The following SYTL3 variants were observed in gnomAD, a reference collection of about 807,000 sequenced individuals.
SYTL3 encodes synaptotagmin-like protein 3.
Under a neutral mutation model 82.1 loss-of-function variants are expected in SYTL3, and 88 were observed. The observed-to-expected ratio is 1.07, with a 90% CI of 0.90 to 1.28. The LOEUF (loss-of-function observed/expected upper bound fraction) is 1.28. Among genes scored for constraint, SYTL3 ranks in the 50% most tolerant of loss-of-function variants. SYTL3 has a pLI of 0.00. For missense variants in SYTL3, 831 were observed against 757.6 expected, an observed-to-expected ratio of 1.10 and a Z score of -1.14; for synonymous variants, 311 against 289.4, an observed-to-expected ratio of 1.07 and a Z score of -0.76.
chr6:158,699,543 T>C (rs1159538545), intron 6 of SYTL3, among the ~76,000 whole-genome samples: 1 of 152,168 alleles, frequency 6.6e-6, no homozygotes, highest in Non-Finnish European at 1.5e-5. Context: ...ACGCGGCGGA[T>C]CTTACTCCCC....
chr6:158,652,825 G>A (rs1315898449), intron 2 of SYTL3, among the ~76,000 whole-genome samples: 1 of 152,212 alleles, frequency 6.6e-6, no homozygotes, highest in African/African-American at 2.4e-5. Flanking sequence ...ACAGGCGTGA[G>A]CCACCGCACC....
At chr6:158,746,724 A>G (rs1391174041) in intron 12 of SYTL3, among the ~76,000 whole-genome samples, 2 of 151,752 alleles carry the variant, frequency 1.3e-5, no homozygotes, top group South Asian at 2.1e-4. Context: ...TTGGCCTCCC[A>G]AAGTGCTGGG....
chr6:158,759,887 G>T (rs1344876784), intron 14 of SYTL3, among the ~76,000 whole-genome samples: 1 of 151,886 alleles, frequency 6.6e-6, no homozygotes, highest in Non-Finnish European at 1.5e-5. Context: ...TAAAACATGA[G>T]TTTTTTTGTG....
intron 11 of SYTL3, among the ~76,000 whole-genome samples, chr6:158,727,560 C>T (rs1300968816): frequency 1.3e-5 from 2 of 152,110 alleles, no homozygotes; most frequent in Non-Finnish European, 2.9e-5. Context: ...GAGGTTTTTA[C>T]CTTATAAGGA....
intron 6 of SYTL3, among the ~76,000 whole-genome samples, chr6:158,683,373 A>C (rs1043859961): frequency 6.6e-6 from 1 of 152,064 alleles, no homozygotes; most frequent in Non-Finnish European, 1.5e-5. Flanking sequence ...GGCACGTGCC[A>C]CCACAGTCGG....
chr6:158,730,916 G>C (rs1413199845), intron 11 of SYTL3, among the ~76,000 whole-genome samples: 1 of 152,200 alleles, frequency 6.6e-6, no homozygotes, highest in Non-Finnish European at 1.5e-5. Flanking sequence ...TAGTCAGGAT[G>C]TCTTAAGGGT....
intron 14 of SYTL3, among the ~76,000 whole-genome samples, chr6:158,759,592 G>A (rs1253711088): frequency 6.6e-6 from 1 of 152,192 alleles, no homozygotes; most frequent in Non-Finnish European, 1.5e-5. Context: ...GAGTGAAGTG[G>A]CGTGATCTTG....
upstream of SYTL3, among the ~76,000 whole-genome samples, chr6:158,648,281 G>A (rs377068407): frequency 9.3e-5 from 14 of 151,036 alleles, no homozygotes; most frequent in South Asian, 1.3e-3. Flanking sequence ...TAACAAGAGC[G>A]AAACTCCGTC....
chr6:158,664,869 T>C (rs1049266887), intron 4 of SYTL3, among the ~76,000 whole-genome samples: 2 of 151,766 alleles, frequency 1.3e-5, no homozygotes, highest in Non-Finnish European at 2.9e-5. Flanking sequence ...CTTTGCACTA[T>C]GGCTATTTGT....
At chr6:158,695,114 C>T (rs1269841000) in intron 6 of SYTL3, among the ~76,000 whole-genome samples, 1 of 152,216 alleles carries the variant, frequency 6.6e-6, no homozygotes, top group African/African-American at 2.4e-5. Flanking sequence ...GCCATGTTCA[C>T]TCATTCTCAT....
chr6:158,758,678 C>T (rs759985117), intron 14 of SYTL3, among the ~76,000 whole-genome samples: 8 of 152,160 alleles, frequency 5.3e-5, no homozygotes, highest in African/African-American at 1.4e-4. Context: ...CCCACTCTCC[C>T]ACTGCCTGTG....
At chr6:158,740,501 A>AT (rs1360229441) in intron 11 of SYTL3, among the ~76,000 whole-genome samples, 2 of 151,960 alleles carry the variant, frequency 1.3e-5, no homozygotes, top group Non-Finnish European at 2.9e-5. Flanking sequence ...TTTATTGTGC[A>AT]TTTTTTCCTC....
chr6:158,680,849 G>A (rs975918541), intron 5 of SYTL3, among the ~76,000 whole-genome samples: 11 of 149,812 alleles, frequency 7.3e-5, no homozygotes, highest in African/African-American at 2.2e-4. Flanking sequence ...TCAGAAAATA[G>A]TAGTGTCTAA....
Position 158,751,924 on chromosome 6 carries a change from C to T in SYTL3, c.1035-4C>T, listed in dbSNP as rs1788440157. ...ACTCTGTCCCCGCTGTGTTTGGCCCCTAGGTATGTGAAGACCTACCTGTTG... is the reference window on the plus strand; with the variant it reads ...ACTCTGTCCCCGCTGTGTTTGGCCCTTAGGTATGTGAAGACCTACCTGTTG... On this transcript the variant is annotated splice_region_variant and splice_polypyrimidine_tract_variant and intron_variant, in intron 12 of 17. Coordinates refer to ENST00000611299, the MANE Select transcript of SYTL3 (RefSeq NM_001242394.2). 2 of 1,594,760 alleles carry T rather than the reference C, an allele frequency of 1.3e-6. No individual in the cohort carries two copies. Among genetic ancestry groups the T allele is most frequent in the Non-Finnish European group, 1.7e-6 (2 of 1,170,858 alleles).
chr6:158,719,536 G>A (rs1179301253), intron 10 of SYTL3, among the ~76,000 whole-genome samples: 1 of 152,152 alleles, frequency 6.6e-6, no homozygotes, highest in Non-Finnish European at 1.5e-5. Flanking sequence ...TCAGGAGCGA[G>A]GTGTCTAGAC....
chr6:158,683,687 C>G (rs1347140211), intron 6 of SYTL3, among the ~76,000 whole-genome samples: 1 of 152,244 alleles, frequency 6.6e-6, no homozygotes, highest in Non-Finnish European at 1.5e-5. Flanking sequence ...ACTTCTGTTT[C>G]TCTCTACAAG....
chr6:158,659,445 T>G (rs1281557021), intron 2 of SYTL3, among the ~76,000 whole-genome samples: 1 of 152,154 alleles, frequency 6.6e-6, no homozygotes, highest in Non-Finnish European at 1.5e-5. Context: ...AACCTCTGCC[T>G]CCCGGGTTCA....
intron 12 of SYTL3, among the ~76,000 whole-genome samples, chr6:158,748,086 TTTC>T (rs757220030): frequency 3.9e-5 from 5 of 129,356 alleles, no homozygotes; most frequent in South Asian, 4.7e-4. Context: ...TTTTTTTTTT[TTTC>T]CCCACACTTA....
Position 158,762,122 on chromosome 6 carries a change from A to G in SYTL3, c.1461A>G (p.Leu487=). 3.1e-6 allele frequency: 5 copies of G among 1,614,030 alleles called. No homozygotes were observed. The highest frequency in any genetic ancestry group is 4.2e-6 in the Non-Finnish European group (5 of 1,179,982). Reference sequence around the variant, plus strand: ...ATGGTCAACTTTGTTTGGTAGTGCTAGGAGCCAAGAATTTACCTGTGCGGC... The same window carrying G: ...ATGGTCAACTTTGTTTGGTAGTGCTGGGAGCCAAGAATTTACCTGTGCGGC... ...SLHGQLCLVV[L]GAKNLPVRPD... Residue 487 remains leucine (L), a synonymous_variant, in exon 16 of 18, where the codon CTA becomes CTG. Transcript: ENST00000611299.
Sources: gnomAD v4.1 joint callset for allele counts (sites outside exome capture counted in the v4.1 genomes callset) on GRCh38, gnomAD v4.1.1 for gene constraint, MANE v1.5 for transcripts, NCBI Gene and HGNC (gene_info 2026-07-23, HGNC 2026-07-21) for gene names.